Variants in NOX4 observed in about 807,000 individuals in gnomAD.
NOX4 encodes kidney oxidase-1.
NOX4 carries 69 observed loss-of-function variants against 87.6 expected under a neutral mutation model. The observed-to-expected ratio is 0.79, with a 90% CI of 0.65 to 0.96. The LOEUF (loss-of-function observed/expected upper bound fraction) is 0.96. Among genes scored for constraint, NOX4 ranks in the 40% least tolerant of loss-of-function variants. The pLI is 0.00. For synonymous variants in NOX4, 275 were observed against 238.2 expected, an observed-to-expected ratio of 1.15 and a Z score of -1.42; for missense variants, 680 against 681.5, an observed-to-expected ratio of 1.00 and a Z score of 0.02.
intron 13 of NOX4, among the ~76,000 whole-genome samples, chr11:89,345,997 T>G (rs1946200783): frequency 6.6e-6 from 1 of 152,150 alleles, no homozygotes; most frequent in African/African-American, 2.4e-5. Flanking sequence ...AGAAACAAAG[T>G]CATACTATCT....
Position 89,391,994 on chromosome 11 carries a change from C to T in NOX4, c.1074+8023G>A, listed in dbSNP as rs1187851190. Reference sequence around the variant, plus strand: ...CCTTCCTTCTTTCCTTCCTTCCTTCCTCCTGTGCCCCCTCTCCCGACCTGG... The same window carrying T: ...CCTTCCTTCTTTCCTTCCTTCCTTCTTCCTGTGCCCCCTCTCCCGACCTGG... On this transcript the variant is annotated intron_variant, in intron 11 of 17. Coordinates refer to ENST00000263317, the MANE Select transcript of NOX4 (RefSeq NM_016931.5). Among the ~76,000 whole-genome samples, 6 of 149,370 alleles carry T rather than the reference C, an allele frequency of 4.0e-5. No homozygotes were observed. The East Asian group carries it at 8.2e-4, about 20-fold the overall frequency.
At chr11:89,539,654 T>G in the NOX4 span, among the ~76,000 whole-genome samples, 1 of 152,150 alleles carries the variant, frequency 6.6e-6, no homozygotes, top group Admixed American at 6.5e-5. Context: ...AGAGAATGAG[T>G]GCCTTAAGTT....
At chr11:89,390,390 G>A (rs1941044007) in intron 11 of NOX4, among the ~76,000 whole-genome samples, 2 of 152,054 alleles carry the variant, frequency 1.3e-5, no homozygotes, top group African/African-American at 2.4e-5. Context: ...TAAACAGATG[G>A]TCTGATAAAA....
chr11:89,349,192 C>T (rs1344992126), intron 13 of NOX4, among the ~76,000 whole-genome samples: 1 of 151,964 alleles, frequency 6.6e-6, no homozygotes, highest in South Asian at 2.1e-4. Context: ...GAGGCTGAGG[C>T]AGAAGAATTG....
At chr11:89,478,764 C>A (rs12799930) in intron 2 of NOX4, among the ~76,000 whole-genome samples, 77,861 of 151,948 alleles carry the variant, frequency 0.51, 22,857 homozygotes, top group Non-Finnish European at 0.68. Flanking sequence ...AGCCCATAAA[C>A]TAAACTCTTC....
At chr11:89,333,429 T>C (rs67611845) in intron 17 of NOX4, among the ~76,000 whole-genome samples, 1 of 151,674 alleles carries the variant, frequency 6.6e-6, no homozygotes, top group African/African-American at 2.4e-5. Flanking sequence ...TAAGTACACA[T>C]ACACACTCTC....
At chr11:89,423,363 A>T (rs1565269312) in intron 7 of NOX4, among the ~76,000 whole-genome samples, 2 of 151,832 alleles carry the variant, frequency 1.3e-5, no homozygotes, top group Non-Finnish European at 2.9e-5. Context: ...GTTTATAATC[A>T]TTACCCATTT....
chr11:89,495,221 C>T (rs1419115690), upstream of NOX4, among the ~76,000 whole-genome samples: 1 of 152,196 alleles, frequency 6.6e-6, no homozygotes, highest in Non-Finnish European at 1.5e-5. Context: ...AAGTGATCCA[C>T]CAGACTCAGC....
intron 11 of NOX4, among the ~76,000 whole-genome samples, chr11:89,385,774 G>C (rs551247714): frequency 6.6e-6 from 1 of 152,246 alleles, no homozygotes; most frequent in African/African-American, 2.4e-5. Context: ...CATGACCCGA[G>C]TCAGGAAACT....
chr11:89,574,904 C>T, the NOX4 span, among the ~76,000 whole-genome samples: 23 of 152,336 alleles, frequency 1.5e-4, no homozygotes, highest in South Asian at 4.8e-3. Flanking sequence ...GCTAGTGAGG[C>T]CAGGCGCGGT....
upstream of NOX4, among the ~76,000 whole-genome samples, chr11:89,502,162 A>T (rs550796121): frequency 3.3e-5 from 5 of 152,162 alleles, no homozygotes; most frequent in South Asian, 1.0e-3. Flanking sequence ...ATGAGGGTGC[A>T]TGGACACCTG....
chr11:89,358,451 G>A (rs1302552160), intron 12 of NOX4, among the ~76,000 whole-genome samples: 42 of 141,330 alleles, frequency 3.0e-4, no homozygotes, highest in Non-Finnish European at 1.6e-4. Context: ...TAAACAGAAA[G>A]TAAACACAGA....
chr11:89,418,120 G>A (rs1942880227), intron 8 of NOX4, among the ~76,000 whole-genome samples: 1 of 151,842 alleles, frequency 6.6e-6, no homozygotes, highest in East Asian at 1.9e-4. Context: ...TAAGCCAAGG[G>A]CACAGATAAT....
At chr11:89,521,477 A>G in the NOX4 span, among the ~76,000 whole-genome samples, 1 of 152,172 alleles carries the variant, frequency 6.6e-6, no homozygotes, top group Admixed American at 6.6e-5. Flanking sequence ...CTGGTTAGTC[A>G]TATGCAGAAG....
At chr11:89,392,668 T>C (rs1321731708) in intron 11 of NOX4, among the ~76,000 whole-genome samples, 1 of 152,136 alleles carries the variant, frequency 6.6e-6, no homozygotes, top group Non-Finnish European at 1.5e-5. Flanking sequence ...CTTTTCCTTT[T>C]GATTCATATC....
chr11:89,491,700 A>C (rs951832695), upstream of NOX4: 5 of 167,330 alleles, frequency 3.0e-5, no homozygotes, highest in African/African-American at 1.2e-4. Context: ...ACTCATACTA[A>C]AAGTGGGGAC....
chr11:89,583,961 T>C, the NOX4 span, among the ~76,000 whole-genome samples: 1 of 152,140 alleles, frequency 6.6e-6, no homozygotes, highest in African/African-American at 2.4e-5. Flanking sequence ...TGAATGTATA[T>C]CTGAAATTGA....
chr11:89,370,126 G>A (rs1367663694), intron 12 of NOX4, among the ~76,000 whole-genome samples: 1 of 151,848 alleles, frequency 6.6e-6, no homozygotes, highest in African/African-American at 2.4e-5. Context: ...AATATATTAT[G>A]TGACTGAGGC....
At chr11:89,530,667 A>T in the NOX4 span, among the ~76,000 whole-genome samples, 1 of 151,894 alleles carries the variant, frequency 6.6e-6, no homozygotes, top group Non-Finnish European at 1.5e-5. Flanking sequence ...CACCTGGATT[A>T]GTTGTCTATT....
Sources: allele counts gnomAD v4.1 joint callset (sites outside exome capture counted in the v4.1 genomes callset), GRCh38; gene constraint gnomAD v4.1.1; transcripts MANE v1.5; gene names NCBI Gene and HGNC (gene_info 2026-07-23, HGNC 2026-07-21).